The following WBP4 variants were observed in gnomAD, a reference collection of about 807,000 sequenced individuals.
WBP4 encodes WW domain-binding protein 4.
In WBP4, 37 loss-of-function variants were observed where a neutral mutation model predicts 55.4. The observed-to-expected ratio is 0.67, with a 90% CI of 0.51 to 0.88. The LOEUF (loss-of-function observed/expected upper bound fraction) is 0.88. Among genes scored for constraint, WBP4 ranks in the 40% least tolerant of loss-of-function variants. The pLI, the probability that WBP4 is intolerant of heterozygous loss-of-function variation, is 0.00. For synonymous variants in WBP4, 142 were observed against 140.2 expected (o/e 1.01, Z -0.09); for missense variants, 398 against 420.8 (o/e 0.95, Z 0.47).
At chr13:41,061,971 G>A in intron 1 of WBP4, 1 of 910,880 alleles carries the variant, frequency 1.1e-6, no homozygotes, top group Non-Finnish European at 1.3e-6. Flanking sequence ...TCTCTACGAC[G>A]CTGTCGGGGG....
intron 4 of WBP4, among the ~76,000 whole-genome samples, chr13:41,066,434 T>C (rs1221012338): frequency 1.3e-5 from 2 of 152,198 alleles, no homozygotes; most frequent in Non-Finnish European, 2.9e-5. Context: ...TTAAATTACA[T>C]ATTTTGTGCT....
At position 41,062,224 on chromosome 13, in the gene WBP4, T is replaced by C. The variant is rs934197251; in HGVS notation, c.3-420T>C. The C allele has an allele frequency of 5.1e-6, 5 of 984,676 alleles. No homozygotes were observed. The African/African-American group carries it at 8.8e-5, about 17-fold the overall frequency. 61.0% of individuals were successfully genotyped at this position (984,676 alleles called of 1,614,324 possible). ...TGAGAGTCTGGGAGGAACTACAGTT[T>C]TCCCCAGAGTAGTCTTGTACGTTGT... On this transcript the variant is annotated intron_variant, in intron 1 of 9. Coordinates refer to ENST00000379487, the MANE Select transcript of WBP4 (RefSeq NM_007187.5).
intron 8 of WBP4, among the ~76,000 whole-genome samples, chr13:41,076,663 A>G (rs1387684855): frequency 6.6e-6 from 1 of 152,180 alleles, no homozygotes; most frequent in African/African-American, 2.4e-5. Flanking sequence ...CAACTGGATA[A>G]ATAAAACCGG....
At chr13:41,074,532 T>G (rs1593431032) in intron 7 of WBP4, among the ~76,000 whole-genome samples, 1 of 152,220 alleles carries the variant, frequency 6.6e-6, no homozygotes, top group Non-Finnish European at 1.5e-5. Context: ...TAGACAGATC[T>G]GAGTTCAATG....
At position 41,083,197 on chromosome 13, in the gene WBP4, G is replaced by T; in HGVS notation, c.*283G>T. On this transcript the variant is annotated 3_prime_UTR_variant, in exon 10 of 10. Coordinates refer to ENST00000379487, the MANE Select transcript of WBP4 (RefSeq NM_007187.5). Reference sequence around the variant, plus strand: ...GCTATGTATCTGTTATTTAAAACATGGAGAAACAGGGCCTTTATTCCATTC... The same window carrying T: ...GCTATGTATCTGTTATTTAAAACATTGAGAAACAGGGCCTTTATTCCATTC... 1 of 280,076 alleles carries T rather than the reference G, an allele frequency of 3.6e-6. No individual in the cohort carries two copies. Among genetic ancestry groups the T allele is most frequent in the African/African-American group, 2.2e-5 (1 of 45,914 alleles). The allele number at this position is 280,076 out of a possible 1,614,324, so 17.3% of individuals were successfully genotyped here.
chr13:41,080,881 G>A, intron 9 of WBP4, 72 bp downstream of exon 9: 1 of 1,449,598 alleles, frequency 6.9e-7, no homozygotes. Context: ...CTAAATTGCA[G>A]TAAGTAATTT....
Position 41,062,486 on chromosome 13 carries a change from C to T in WBP4, c.3-158C>T, listed in dbSNP as rs17593275. 2.7e-3 allele frequency among the ~76,000 whole-genome samples: 416 copies of T among 152,294 alleles called. 8 individuals are homozygous for T. The East Asian group carries it at 0.049, about 18-fold the overall frequency. On this transcript the variant is annotated intron_variant, in intron 1 of 9. Transcript: ENST00000379487. ...CCGCTGGCAACAGAATTTCAATTGACTGTGCTCCAACCAGATAAATAATAA... is the reference window on the plus strand; with the variant it reads ...CCGCTGGCAACAGAATTTCAATTGATTGTGCTCCAACCAGATAAATAATAA...
In WBP4 at chr13:41,080,845, A is replaced by G. The variant is rs372026849; in HGVS notation, c.920+36A>G. The G allele has an allele frequency of 7.0e-6, 11 of 1,574,918 alleles. No individual in the cohort carries two copies. The African/African-American group carries it at 1.5e-4, about 22-fold the overall frequency. ...GGAGCTTTAATCCCACTGTTATTAC[A>G]AGTGATTTTACATCCCAGTACTTCC... On this transcript the variant is annotated intron_variant, in intron 9 of 9. Transcript: ENST00000379487.
At chr13:41,078,070 A>G (rs1200240022) in intron 8 of WBP4, among the ~76,000 whole-genome samples, 8 of 152,216 alleles carry the variant, frequency 5.3e-5, no homozygotes, top group African/African-American at 1.9e-4. Context: ...TACTGGCCAC[A>G]CCAATCTACA....
intron 2 of WBP4, among the ~76,000 whole-genome samples, chr13:41,063,004 G>T (rs1162748626): frequency 6.6e-6 from 1 of 152,032 alleles, no homozygotes; most frequent in Non-Finnish European, 1.5e-5. Context: ...TATAATGGTG[G>T]TGTTCATAAT....
chr13:41,076,417 T>TA (rs1878497567), intron 8 of WBP4, among the ~76,000 whole-genome samples, 180 bp downstream of exon 8: 1 of 151,678 alleles, frequency 6.6e-6, no homozygotes, highest in Non-Finnish European at 1.5e-5. Context: ...TAGCTGGGAC[T>TA]ACAGGTGTGT....
Position 41,076,032 on chromosome 13 carries a change from T to C in WBP4, c.563-12T>C, listed in dbSNP as rs1186737818. On this transcript the variant is annotated splice_polypyrimidine_tract_variant and intron_variant, in intron 7 of 9. Transcript: ENST00000379487. Reference sequence around the variant, plus strand: ...ATAACTAAATAACATGACTTTAAAATGTGTTGAGCAGAATCCAGATGGGAG... The same window carrying C: ...ATAACTAAATAACATGACTTTAAAACGTGTTGAGCAGAATCCAGATGGGAG... 6.2e-7 allele frequency: 1 copy of C among 1,603,732 alleles called. No individual in the cohort carries two copies.
intron 1 of WBP4, chr13:41,062,123 T>TC: frequency 1.0e-6 from 1 of 974,858 alleles, no homozygotes; most frequent in African/African-American, 1.8e-5. Flanking sequence ...TTTTTTTTTT[T>TC]TGTCGGCCGT....
Position 41,069,465 on chromosome 13 carries a change from A to G in WBP4, c.439+728A>G, listed in dbSNP as rs573098075. Among the ~76,000 whole-genome samples, 76 of 152,176 alleles carry G rather than the reference A, an allele frequency of 5.0e-4. 1 individual carries two copies. Among genetic ancestry groups the G allele is most frequent in the Admixed American group, 4.1e-3 (62 of 15,270 alleles). On this transcript the variant is annotated intron_variant, in intron 5 of 9. Coordinates refer to ENST00000379487, the MANE Select transcript of WBP4 (RefSeq NM_007187.5). ...ATCACAAGGTCAGGAGATCAAAACC[A>G]TCCTAGCTAACATGGTGAAACCCCG...
chr13:41,074,950 A>G (rs1878413446), intron 7 of WBP4, among the ~76,000 whole-genome samples: 1 of 152,188 alleles, frequency 6.6e-6, no homozygotes, highest in Non-Finnish European at 1.5e-5. Context: ...AGCTGAGATC[A>G]CGCCAAATAA....
intron 4 of WBP4, among the ~76,000 whole-genome samples, chr13:41,065,689 T>C (rs1408007216): frequency 6.6e-6 from 1 of 152,188 alleles, no homozygotes; most frequent in African/African-American, 2.4e-5. Context: ...ATGAGTCTTG[T>C]ATATTTATAT....
chr13:41,067,916 A>G (rs1192822635), intron 4 of WBP4, among the ~76,000 whole-genome samples: 5 of 152,074 alleles, frequency 3.3e-5, no homozygotes, highest in East Asian at 1.9e-4. Context: ...TTTTGTAACT[A>G]TCTTTGACCT....
chr13:41,062,112 T>TTG (rs1877693013), intron 1 of WBP4: 1 of 973,536 alleles, frequency 1.0e-6, no homozygotes, highest in Non-Finnish European at 1.2e-6. Flanking sequence ...TTTTTTTTTT[T>TTG]TTTTTTTTTT....
At chr13:41,068,502 C>T (rs1269833998) in intron 4 of WBP4, 59 bp from the exon 5 acceptor site, 1 of 1,416,262 alleles carries the variant, frequency 7.1e-7, no homozygotes, top group Admixed American at 2.5e-5. Context: ...TGTTTTATGC[C>T]AGCAACCATA....
Sources: allele counts gnomAD v4.1 joint callset (sites outside exome capture counted in the v4.1 genomes callset), GRCh38; gene constraint gnomAD v4.1.1; transcripts MANE v1.5; gene names NCBI Gene and HGNC (gene_info 2026-07-23, HGNC 2026-07-21).